ALPK1: variants seen among roughly 807,000 people sequenced by gnomAD.
The protein encoded by ALPK1 is alpha kinase 1.
Under a neutral mutation model 120.6 loss-of-function variants are expected in ALPK1, and 110 were observed. The observed-to-expected ratio is 0.91, with a 90% CI of 0.78 to 1.07. The LOEUF is 1.07. Among genes scored for constraint, ALPK1 ranks in the 50% least tolerant of loss-of-function variants. The pLI is 0.00. For missense variants in ALPK1, 1,498 were observed against 1,483.9 expected, an observed-to-expected ratio of 1.01 and a Z score of -0.16; for synonymous variants, 582 against 560.3, an observed-to-expected ratio of 1.04 and a Z score of -0.55.
intron 2 of ALPK1, among the ~76,000 whole-genome samples, chr4:112,370,464 A>G (rs1255646891): frequency 1.3e-5 from 2 of 152,228 alleles, no homozygotes; most frequent in Non-Finnish European, 1.5e-5. Flanking sequence ...TTGATTACCA[A>G]ACATACTGGG....
intron 2 of ALPK1, chr4:112,359,577 TC>T: frequency 4.1e-6 from 1 of 246,166 alleles, no homozygotes; most frequent in South Asian, 6.1e-5. Flanking sequence ...CCACGGGGCT[TC>T]CCAACCAGAC....
intron 2 of ALPK1, among the ~76,000 whole-genome samples, chr4:112,364,052 G>A (rs527789599): frequency 2.6e-5 from 4 of 151,976 alleles, no homozygotes; most frequent in African/African-American, 4.8e-5. Flanking sequence ...TCTGGGATAC[G>A]GAAAAGGCGG....
At chr4:112,327,394 A>G (rs530339190) in intron 2 of ALPK1, among the ~76,000 whole-genome samples, 15 of 152,310 alleles carry the variant, frequency 9.8e-5, no homozygotes, top group African/African-American at 3.6e-4. Flanking sequence ...TAGGATTGTT[A>G]GTGCTTTTGT....
At chr4:112,320,691 T>A (rs1160046635) in intron 2 of ALPK1, among the ~76,000 whole-genome samples, 1 of 152,058 alleles carries the variant, frequency 6.6e-6, no homozygotes, top group Non-Finnish European at 1.5e-5. Context: ...GTTGGTGGCT[T>A]TTTAGTTACC....
intron 3 of ALPK1, among the ~76,000 whole-genome samples, chr4:112,378,635 C>G (rs1021435469): frequency 1.3e-5 from 2 of 152,062 alleles, no homozygotes; most frequent in Non-Finnish European, 1.5e-5. Flanking sequence ...TCCTCCACTT[C>G]CATAAGTACT....
chr4:112,394,043 C>T (rs1201778155), intron 4 of ALPK1, among the ~76,000 whole-genome samples: 7 of 152,094 alleles, frequency 4.6e-5, no homozygotes, highest in African/African-American at 1.4e-4. Context: ...CTATTTCAAG[C>T]CCATTGTTGG....
At chr4:112,358,634 T>C (rs767216259) in intron 2 of ALPK1, 8 of 720,074 alleles carry the variant, frequency 1.1e-5, no homozygotes, top group Non-Finnish European at 2.0e-5. Context: ...TGGGGGGCCC[T>C]GGCGAGGAGC....
At position 112,313,725 on chromosome 4, in the gene ALPK1, A is replaced by T. The variant is rs186799126; in HGVS notation, c.-152-2076A>T. ...GTGACAGAGGGAGACTCCCATCTCA[A>T]AAAAAGTAATAATAAGAAGAATTGA... On this transcript the variant is annotated intron_variant, in intron 1 of 15. Coordinates refer to ENST00000650871, the MANE Select transcript of ALPK1 (RefSeq NM_025144.4). 2.3e-3 allele frequency among the ~76,000 whole-genome samples: 345 copies of T among 152,340 alleles called. 1 individual carries two copies. Among genetic ancestry groups the T allele is most frequent in the African/African-American group, 7.2e-3 (299 of 41,580 alleles).
chr4:112,397,328 G>A (rs549176498), intron 4 of ALPK1, among the ~76,000 whole-genome samples: 1 of 152,182 alleles, frequency 6.6e-6, no homozygotes, highest in African/African-American at 2.4e-5. Flanking sequence ...AGCTTTTTAT[G>A]TATTCTGTAT....
chr4:112,402,361 A>T (rs756249801), intron 4 of ALPK1, among the ~76,000 whole-genome samples: 1 of 152,228 alleles, frequency 6.6e-6, no homozygotes, highest in Non-Finnish European at 1.5e-5. Context: ...GATGCTCAGC[A>T]TCGGGAGGGG....
rs1232041341 is a variant in ALPK1 at position 112,425,756 on chromosome 4, A to G, written c.622+5A>G. 3.1e-6 allele frequency: 5 copies of G among 1,607,772 alleles called. No homozygotes were observed. The highest frequency in any genetic ancestry group is 3.3e-5 in the Admixed American group (2 of 59,776). ...GGCAGATTCTGCAAAAGCTGGGTAC[A>G]ATCATGTAAAACTTGCATTTCTCAA... On this transcript the variant is annotated splice_donor_5th_base_variant and intron_variant, in intron 7 of 15. Transcript: ENST00000650871.
chr4:112,342,164 T>C (rs977284467), intron 2 of ALPK1, among the ~76,000 whole-genome samples: 1 of 152,230 alleles, frequency 6.6e-6, no homozygotes, highest in Admixed American at 6.5e-5. Flanking sequence ...GCCACTTGTT[T>C]AGAAGGTCCA....
chr4:112,416,858 A>G (rs1578554720), intron 5 of ALPK1, among the ~76,000 whole-genome samples: 1 of 149,034 alleles, frequency 6.7e-6, no homozygotes, highest in African/African-American at 2.5e-5. Context: ...CCTGAGTGAC[A>G]GAGCAAGACC....
At chr4:112,407,595 A>T (rs1310968613) in intron 4 of ALPK1, among the ~76,000 whole-genome samples, 1 of 152,230 alleles carries the variant, frequency 6.6e-6, no homozygotes, top group Non-Finnish European at 1.5e-5. Context: ...TCACAGCTTC[A>T]GCTTCCTTTT....
chr4:112,430,309 T>C (rs1472051456), intron 10 of ALPK1, 139 bp from the exon 11 acceptor site: 2 of 861,128 alleles, frequency 2.3e-6, no homozygotes, highest in Non-Finnish European at 3.4e-6. Context: ...TGCCTGTATA[T>C]TTTCCTTAGA....
chr4:112,431,403 C>A lies in ALPK1; in HGVS notation c.1856C>A (p.Thr619Asn). The A allele has an allele frequency of 6.2e-7, 1 of 1,614,210 alleles. No homozygotes were observed. Among genetic ancestry groups the A allele is most frequent in the Middle Eastern group, 1.6e-4 (1 of 6,062 alleles). The change falls in exon 11 of 16, where the codon ACT becomes AAT. Residue 619 changes from threonine to asparagine, a missense_variant. Transcript: ENST00000650871. ...KEPGKEHLVD[T>N]QCSTALSEEL... ...CCTGGCAAAGAACATCTGGTGGACACTCAGTGTTCCACTGCCTTGTCTGAG... is the reference window on the plus strand; with the variant it reads ...CCTGGCAAAGAACATCTGGTGGACAATCAGTGTTCCACTGCCTTGTCTGAG...
chr4:112,329,541 T>C (rs189480111), intron 2 of ALPK1, among the ~76,000 whole-genome samples: 74 of 152,310 alleles, frequency 4.9e-4, no homozygotes, highest in African/African-American at 1.7e-3. Context: ...GTAAAAGCCA[T>C]GAGGTTCCAG....
At chr4:112,364,297 A>C (rs1188571880) in intron 2 of ALPK1, among the ~76,000 whole-genome samples, 1 of 151,806 alleles carries the variant, frequency 6.6e-6, no homozygotes, top group Non-Finnish European at 1.5e-5. Context: ...GAAAATAAAT[A>C]AAACCGTTAG....
intron 2 of ALPK1, among the ~76,000 whole-genome samples, chr4:112,354,698 C>G (rs6533607): frequency 0.34 from 51,558 of 151,876 alleles, 8,886 homozygotes; most frequent in East Asian, 0.53. Flanking sequence ...GAACTCCTGG[C>G]CTCAAGTGAT....
Sources: allele counts gnomAD v4.1 joint callset (sites outside exome capture counted in the v4.1 genomes callset), GRCh38; gene constraint gnomAD v4.1.1; transcripts MANE v1.5; gene names NCBI Gene and HGNC (gene_info 2026-07-23, HGNC 2026-07-21).